Variants in SH3BP4 observed in about 807,000 individuals in gnomAD.
SH3BP4 encodes the protein SH3 domain binding protein 4, also known as SH3 domain-binding protein 4.
SH3BP4 carries 33 observed loss-of-function variants against 65.5 expected under a neutral mutation model. That is an observed-to-expected ratio of 0.50 (90% CI 0.38 to 0.67). The LOEUF (loss-of-function observed/expected upper bound fraction) is 0.67. Ranked by LOEUF, SH3BP4 falls within the 30% of genes least tolerant of loss-of-function variation. The pLI is 0.00. For missense variants in SH3BP4, 1,134 were observed against 1,261.4 expected (o/e 0.90, Z 1.53); for synonymous variants, 552 against 545.5 (o/e 1.01, Z -0.17).
In SH3BP4 at chr2:235,042,349, A is replaced by C. The variant is rs760149295; in HGVS notation, c.1580A>C (p.His527Pro). 6.2e-7 allele frequency: 1 copy of C among 1,614,132 alleles called. No individual in the cohort carries two copies. The highest frequency in any genetic ancestry group is 8.5e-7 in the Non-Finnish European group (1 of 1,180,024). Residue 527 changes from histidine (H) to proline (P), a missense_variant, in exon 4 of 6, where the codon CAC (histidine) becomes CCC (proline). His to Pro is a moderately conservative substitution (Grantham distance 77). Transcript: ENST00000392011. The surrounding 1 kb of genome is among the most constrained non-coding windows in gnomAD (Gnocchi z 7.3). The part of the protein sequence containing the change: ...APVALQLWGK[H>P]QFVLSRPQDL... Reference sequence around the variant, plus strand: ...GTGGCCCTGCAGCTGTGGGGGAAGCACCAGTTCGTTTTGTCCAGGCCCCAG... The same window carrying C: ...GTGGCCCTGCAGCTGTGGGGGAAGCCCCAGTTCGTTTTGTCCAGGCCCCAG...
intron 1 of SH3BP4, among the ~76,000 whole-genome samples, chr2:234,962,630 A>G (rs187388534): frequency 7.2e-5 from 11 of 152,248 alleles, no homozygotes; most frequent in Middle Eastern, 3.4e-3. Context: ...TCTTTCAGAT[A>G]TTTTCGCTTG....
At position 234,965,699 on chromosome 2, in the gene SH3BP4, T is replaced by C. The variant is rs377103963; in HGVS notation, c.-207+13529T>C. On this transcript the variant is annotated intron_variant, in intron 1 of 5. Transcript: ENST00000392011. ...GTTATTCTGGGAAGATGGGGGTTTT[T>C]TTCATGCTCAAGAAGATGGGTAAAA... Among the ~76,000 whole-genome samples the C allele has an allele frequency of 2.1e-4, 32 of 152,336 alleles. No homozygotes were observed. In the East Asian group the frequency reaches 5.0e-3, roughly 24 times the overall value.
chr2:235,035,024 G>A lies in SH3BP4; in HGVS notation c.22G>A (p.Ala8Thr). The A allele has an allele frequency of 1.2e-6, 2 of 1,614,126 alleles. No individual in the cohort carries two copies. Among genetic ancestry groups the A allele is most frequent in the Non-Finnish European group, 1.7e-6 (2 of 1,180,020 alleles). ...CGAGATGGCGGCTCAGCGGATCCGA[G>A]CGGCCAACTCCAATGGCCTCCCTCG... is the stretch of plus-strand genomic sequence containing the variant. MAAQRIR[A>T]ANSNGLPRCK... The change falls in exon 3 of 6, where the codon GCG becomes ACG. Residue 8 changes from alanine to threonine, a missense_variant. Ala to Thr is a moderately conservative substitution (Grantham distance 58). Coordinates refer to ENST00000392011, the MANE Select transcript of SH3BP4 (RefSeq NM_014521.3). The surrounding 1 kb of genome is among the most constrained non-coding windows in gnomAD (Gnocchi z 5.0).
At chr2:235,017,994 AGT>A (rs1323652678) in intron 2 of SH3BP4, among the ~76,000 whole-genome samples, 1 of 152,178 alleles carries the variant, frequency 6.6e-6, no homozygotes, top group Non-Finnish European at 1.5e-5. Flanking sequence ...TCTGTACGGA[AGT>A]GAGACACAGG....
intron 2 of SH3BP4, among the ~76,000 whole-genome samples, chr2:235,012,688 C>G (rs1694551161): frequency 6.6e-6 from 1 of 152,212 alleles, no homozygotes; most frequent in Non-Finnish European, 1.5e-5. Context: ...CACCTTACTC[C>G]TCGGAGTGCA....
chr2:235,045,811 C>T lies in SH3BP4; in HGVS notation c.2478+2564C>T, dbSNP rs1695840594. Among the ~76,000 whole-genome samples, 2 of 152,206 alleles carry T rather than the reference C, an allele frequency of 1.3e-5. No homozygotes were observed. Among genetic ancestry groups the T allele is most frequent in the African/African-American group, 4.8e-5 (2 of 41,452 alleles). ...CCCAGAGAGTCACAGCCAGGCCACC[C>T]CCTGCCTCTCATTTTTAGCATAGCT... On this transcript the variant is annotated intron_variant, in intron 4 of 5. Coordinates refer to ENST00000392011, the MANE Select transcript of SH3BP4 (RefSeq NM_014521.3). This position sits in a 1 kb window ranked among gnomAD's most constrained non-coding sequence, Gnocchi z 4.3.
At chr2:235,044,369 G>A (rs1033057801) in intron 4 of SH3BP4, among the ~76,000 whole-genome samples, 15 of 152,232 alleles carry the variant, frequency 9.9e-5, no homozygotes, top group African/African-American at 2.2e-4. Flanking sequence ...CAGCCCCACC[G>A]TCAGCAGAGC....
chr2:234,962,340 G>A (rs1019185673), intron 1 of SH3BP4, among the ~76,000 whole-genome samples: 1 of 152,052 alleles, frequency 6.6e-6, no homozygotes, highest in African/African-American at 2.4e-5. Flanking sequence ...GTTTCACTGT[G>A]TTGGCCAGGC....
rs953967790 is a variant in SH3BP4 at position 234,997,170 on chromosome 2, C to A, written c.-133+1794C>A. 3.9e-5 allele frequency among the ~76,000 whole-genome samples: 6 copies of A among 152,146 alleles called. No individual in the cohort carries two copies. Among genetic ancestry groups the A allele is most frequent in the Non-Finnish European group, 8.8e-5 (6 of 68,012 alleles). On this transcript the variant is annotated intron_variant, in intron 2 of 5. Transcript: ENST00000392011. The surrounding 1 kb of genome is among the most constrained non-coding windows in gnomAD (Gnocchi z 4.2). ...AGGGGTGCTTGGGGGCGTGGGTCCC[C>A]ACAGCAGTTAGAGACCATCCACAGG... is the stretch of plus-strand genomic sequence containing the variant.
chr2:235,023,046 G>A (rs1447908456), intron 2 of SH3BP4, among the ~76,000 whole-genome samples: 1 of 152,124 alleles, frequency 6.6e-6, no homozygotes, highest in Non-Finnish European at 1.5e-5. Context: ...TCATGTAACG[G>A]CAAAATGACT....
chr2:235,006,567 TC>T (rs1195680478), intron 2 of SH3BP4, among the ~76,000 whole-genome samples: 1 of 152,028 alleles, frequency 6.6e-6, no homozygotes, highest in Non-Finnish European at 1.5e-5. Flanking sequence ...GGGCCTGTGC[TC>T]TCAGGGGCCT....
chr2:234,993,851 A>G (rs893474415), intron 1 of SH3BP4, among the ~76,000 whole-genome samples: 4 of 152,218 alleles, frequency 2.6e-5, no homozygotes, highest in Non-Finnish European at 5.9e-5. Flanking sequence ...ATTCCTGTCC[A>G]GAAAATCAGC....
chr2:234,984,581 G>A (rs1488196084), intron 1 of SH3BP4, among the ~76,000 whole-genome samples: 2 of 152,058 alleles, frequency 1.3e-5, no homozygotes, highest in Non-Finnish European at 2.9e-5. Flanking sequence ...ATTAACAGAA[G>A]AAAATATTTG....
intron 2 of SH3BP4, among the ~76,000 whole-genome samples, chr2:235,029,793 G>A (rs943221032): frequency 2.0e-5 from 3 of 152,172 alleles, no homozygotes; most frequent in Non-Finnish European, 4.4e-5. Flanking sequence ...TGGGCGAGTC[G>A]GATCTGAGGC....
rs1409161828 is a variant in SH3BP4, at chr2:234,978,428, G to A, written c.-206-16875G>A. 6.6e-6 allele frequency among the ~76,000 whole-genome samples: 1 copy of A among 152,214 alleles called. No individual in the cohort carries two copies. Among genetic ancestry groups the A allele is most frequent in the Non-Finnish European group, 1.5e-5 (1 of 68,044 alleles). On this transcript the variant is annotated intron_variant, in intron 1 of 5. Coordinates refer to ENST00000392011, the MANE Select transcript of SH3BP4 (RefSeq NM_014521.3). The surrounding 1 kb of genome is among the most constrained non-coding windows in gnomAD (Gnocchi z 4.1). ...CCTCACTGCAGTCACTGCGGGACCA[G>A]GTACTCTTTTCCTGCGCCCCACACT... is the stretch of plus-strand genomic sequence containing the variant.
rs1693961150 is a variant in SH3BP4, at chr2:234,997,571, C to A, written c.-133+2195C>A. Among the ~76,000 whole-genome samples the A allele has an allele frequency of 6.6e-6, 1 of 152,180 alleles. No individual in the cohort carries two copies. Among genetic ancestry groups the A allele is most frequent in the Admixed American group, 6.5e-5 (1 of 15,286 alleles). On this transcript the variant is annotated intron_variant, in intron 2 of 5. Transcript: ENST00000392011. This position sits in a 1 kb window ranked among gnomAD's most constrained non-coding sequence, Gnocchi z 4.2. ...CTGCAGCAGAGCACGGCCGATTGCT[C>A]CTCCGGGGAGTGTCAGCTAGGGGAC...
intron 2 of SH3BP4, among the ~76,000 whole-genome samples, chr2:235,024,538 AAC>A (rs1491248426): frequency 6.6e-6 from 1 of 152,130 alleles, no homozygotes; most frequent in African/African-American, 2.4e-5. Flanking sequence ...TAGAATCAGG[AAC>A]AGTATTAAAC....
At chr2:235,013,843 C>G (rs565719441) in intron 2 of SH3BP4, among the ~76,000 whole-genome samples, 5 of 152,224 alleles carry the variant, frequency 3.3e-5, no homozygotes, top group Admixed American at 6.5e-5. Context: ...CCCAGGGTCA[C>G]CTGGTGAGTA....
Position 235,046,323 on chromosome 2 carries a change from CT to C in SH3BP4, c.2478+3079del, listed in dbSNP as rs1374501921. 1.3e-5 allele frequency among the ~76,000 whole-genome samples: 2 copies of C among 152,166 alleles called. No homozygotes were observed. On this transcript the variant is annotated intron_variant, in intron 4 of 5. Coordinates refer to ENST00000392011, the MANE Select transcript of SH3BP4 (RefSeq NM_014521.3). The surrounding 1 kb of genome is among the most constrained non-coding windows in gnomAD (Gnocchi z 4.2). ...GAGGTTCACACCTGTAATACCAGCACTTTGGGAGGCTGAGACAGGAGAATCG... is the reference window on the plus strand; with the variant it reads ...GAGGTTCACACCTGTAATACCAGCACTTGGGAGGCTGAGACAGGAGAATCG...
Sources: gnomAD v4.1 joint callset for allele counts (sites outside exome capture counted in the v4.1 genomes callset) on GRCh38, gnomAD v4.1.1 for gene constraint, Gnocchi (gnomAD v3.1) non-coding constraint, MANE v1.5 for transcripts, NCBI Gene and HGNC (gene_info 2026-07-23, HGNC 2026-07-21) for gene names.